The following TMEM131L variants were observed in gnomAD, a reference collection of about 807,000 sequenced individuals.
TMEM131L encodes the protein transmembrane 131 like, also known as transmembrane protein 131-like.
A neutral mutation model predicts 192.2 loss-of-function variants in TMEM131L; 54 were observed. The observed-to-expected ratio is 0.28, with a 90% CI of 0.23 to 0.35. TMEM131L has a LOEUF of 0.35. Among genes scored for constraint, TMEM131L ranks in the 10% least tolerant of loss-of-function variants. TMEM131L has a pLI of 1.00. For missense variants in TMEM131L, 1,888 were observed against 1,972.9 expected, an observed-to-expected ratio of 0.96 and a Z score of 0.82; for synonymous variants, 701 against 704.9, an observed-to-expected ratio of 0.99 and a Z score of 0.09.
In TMEM131L at chr4:153,546,333, G is replaced by A. The variant is rs184408608; in HGVS notation, c.240-3740G>A. Among the ~76,000 whole-genome samples, 167 of 151,934 alleles carry A rather than the reference G, an allele frequency of 1.1e-3. 1 individual carries two copies. Among genetic ancestry groups the A allele is most frequent in the African/African-American group, 3.6e-3 (149 of 41,414 alleles). On this transcript the variant is annotated intron_variant, in intron 3 of 34. Coordinates refer to ENST00000409959, the MANE Select transcript of TMEM131L (RefSeq NM_001131007.2). ...ATGTAATTATTTGATGCCAGGTTGT[G>A]GGGACTCCTAAGAGTAAAAGAGGCC...
At chr4:153,590,774 G>C (rs765160124) in intron 16 of TMEM131L, among the ~76,000 whole-genome samples, 1 of 151,614 alleles carries the variant, frequency 6.6e-6, no homozygotes, top group Non-Finnish European at 1.5e-5. Flanking sequence ...ATGATAAATT[G>C]TTCCAAATTT....
intron 3 of TMEM131L, among the ~76,000 whole-genome samples, chr4:153,525,530 G>T (rs146901612): frequency 1.8e-3 from 267 of 152,258 alleles, no homozygotes; most frequent in Middle Eastern, 6.8e-3. Flanking sequence ...AATAGAGACA[G>T]GGTTTCACCA....
chr4:153,477,946 C>A (rs776708714), intron 3 of TMEM131L, among the ~76,000 whole-genome samples: 1 of 152,130 alleles, frequency 6.6e-6, no homozygotes, highest in Non-Finnish European at 1.5e-5. Flanking sequence ...GAAAGAAGTG[C>A]CTTACCCTTT....
At position 153,473,830 on chromosome 4, in the gene TMEM131L, G is replaced by A. The variant is rs1731332806; in HGVS notation, c.196-15G>A. 3 of 1,539,892 alleles carry A rather than the reference G, an allele frequency of 1.9e-6. No homozygotes were observed. Among genetic ancestry groups the A allele is most frequent in the African/African-American group, 2.8e-5 (2 of 72,478 alleles). ...CAAACAGAAACAACGGTTAACACAT[G>A]TTCTTTTTCAATAGGGTGATTCTGA... On this transcript the variant is annotated splice_polypyrimidine_tract_variant and intron_variant, in intron 2 of 34. Coordinates refer to ENST00000409959, the MANE Select transcript of TMEM131L (RefSeq NM_001131007.2).
chr4:153,567,066 T>C (rs899571685), intron 7 of TMEM131L, among the ~76,000 whole-genome samples: 2 of 152,198 alleles, frequency 1.3e-5, no homozygotes, highest in African/African-American at 4.8e-5. Context: ...AAGGTGCTGA[T>C]CCCTGTCAAT....
intron 3 of TMEM131L, among the ~76,000 whole-genome samples, chr4:153,494,994 T>C (rs575738485): frequency 6.6e-6 from 1 of 152,220 alleles, no homozygotes; most frequent in Non-Finnish European, 1.5e-5. Context: ...ACCCAAAATA[T>C]CTGAGACAGA....
rs557678120 is a variant in TMEM131L at position 153,629,864 on chromosome 4, TTC to T, written c.4207+2181_4207+2182del. On this transcript the variant is annotated intron_variant, in intron 31 of 34. Transcript: ENST00000409959. ...GAGAGCAGGCCTTGGTGCTGTGCTT[TTC>T]TCTGTCTGTGCACACTTTCTTGGTG... 3.5e-4 allele frequency among the ~76,000 whole-genome samples: 54 copies of T among 152,298 alleles called. No homozygotes were observed. In the Middle Eastern group the frequency reaches 0.014, roughly 38 times the overall value.
intron 3 of TMEM131L, among the ~76,000 whole-genome samples, chr4:153,523,640 A>G (rs2150166198): frequency 6.6e-6 from 1 of 152,292 alleles, no homozygotes; most frequent in Non-Finnish European, 1.5e-5. Flanking sequence ...AATGGGAAGC[A>G]CTCAGGAGGT....
chr4:153,578,534 T>G (rs1730117077), intron 7 of TMEM131L, among the ~76,000 whole-genome samples: 1 of 150,892 alleles, frequency 6.6e-6, no homozygotes, highest in African/African-American at 2.4e-5. Flanking sequence ...TTTTTTTTTT[T>G]TTTTTTGACG....
intron 3 of TMEM131L, among the ~76,000 whole-genome samples, chr4:153,529,575 A>G (rs559890797): frequency 6.6e-6 from 1 of 152,366 alleles, no homozygotes; most frequent in South Asian, 2.1e-4. Flanking sequence ...TTGGGGGGAA[A>G]ATCTTAATGC....
chr4:153,520,719 C>T (rs967762277), intron 3 of TMEM131L, among the ~76,000 whole-genome samples: 2 of 152,012 alleles, frequency 1.3e-5, no homozygotes, highest in South Asian at 2.1e-4. Flanking sequence ...AATAACTGAG[C>T]GGGTTTAGTG....
intron 15 of TMEM131L, among the ~76,000 whole-genome samples, chr4:153,588,652 C>T (rs780090815): frequency 3.3e-5 from 5 of 152,018 alleles, no homozygotes; most frequent in South Asian, 2.1e-4. Flanking sequence ...GTGTCTTTTA[C>T]GTTATTACCT....
At chr4:153,563,498 C>T (rs542813109) in intron 7 of TMEM131L, among the ~76,000 whole-genome samples, 12 of 113,304 alleles carry the variant, frequency 1.1e-4, no homozygotes, top group Middle Eastern at 9.4e-3. Context: ...GACAGGGTCT[C>T]GCTCTGTCAC....
At chr4:153,622,845 G>A (rs1391970608) in intron 28 of TMEM131L, 53 bp from the exon 29 acceptor site, 1 of 1,564,364 alleles carries the variant, frequency 6.4e-7, no homozygotes, top group African/African-American at 1.4e-5. Flanking sequence ...TGTTAGAAAT[G>A]CATGAGGTTG....
rs376824585 is a variant in TMEM131L, at chr4:153,621,859, G to A, written c.3859+10G>A. 15 of 1,612,748 alleles carry A rather than the reference G, an allele frequency of 9.3e-6. No homozygotes were observed. In the African/African-American group the frequency reaches 2.0e-4, roughly 22 times the overall value. ...GCCCAGAGAGAGGCAGGTATGTAAT[G>A]ATACTGAGCTACAAATGGTGCTTCT... is the stretch of plus-strand genomic sequence containing the variant. On this transcript the variant is annotated intron_variant, in intron 28 of 34. Coordinates refer to ENST00000409959, the MANE Select transcript of TMEM131L (RefSeq NM_001131007.2).
intron 3 of TMEM131L, among the ~76,000 whole-genome samples, chr4:153,509,685 C>G (rs1426529845): frequency 6.6e-6 from 1 of 152,212 alleles, no homozygotes; most frequent in Non-Finnish European, 1.5e-5. Context: ...CCACTGCACT[C>G]CAGCCTGGGC....
intron 2 of TMEM131L, among the ~76,000 whole-genome samples, chr4:153,471,472 G>A (rs375139036): frequency 6.6e-6 from 1 of 152,170 alleles, no homozygotes; most frequent in African/African-American, 2.4e-5. Context: ...GTCTTGCCGA[G>A]TTCCCCTATT....
At chr4:153,582,726 A>G (rs374915678) in intron 9 of TMEM131L, among the ~76,000 whole-genome samples, 93 of 152,052 alleles carry the variant, frequency 6.1e-4, no homozygotes, top group African/African-American at 2.2e-3. Context: ...CAGATCCCTG[A>G]CCCATGGGGA....
chr4:153,581,636 T>C (rs1246892734), intron 9 of TMEM131L, 76 bp downstream of exon 9: 2 of 1,038,454 alleles, frequency 1.9e-6, no homozygotes, highest in African/African-American at 1.7e-5. Flanking sequence ...TATGAACAGA[T>C]TGTATCATAG....
Sources: gnomAD v4.1 joint callset for allele counts (sites outside exome capture counted in the v4.1 genomes callset) on GRCh38, gnomAD v4.1.1 for gene constraint, MANE v1.5 for transcripts, NCBI Gene and HGNC (gene_info 2026-07-23, HGNC 2026-07-21) for gene names.